OXR1: variants seen among roughly 807,000 people sequenced by gnomAD.
OXR1 encodes oxidation resistance 1.
OXR1 carries 41 observed loss-of-function variants against 104.6 expected under a neutral mutation model. The observed-to-expected ratio is 0.39, with a 90% CI of 0.31 to 0.51. OXR1 has a LOEUF of 0.51. Among genes scored for constraint, OXR1 ranks in the 20% least tolerant of loss-of-function variants. The pLI is 0.77. For synonymous variants in OXR1, 348 were observed against 348.4 expected (o/e 1.00, Z 0.01); for missense variants, 955 against 1,031.9 (o/e 0.93, Z 1.02).
At chr8:106,271,228 C>G (rs1335076537) in intron 1 of OXR1, among the ~76,000 whole-genome samples, 1 of 152,118 alleles carries the variant, frequency 6.6e-6, no homozygotes, top group Non-Finnish European at 1.5e-5. Context: ...GGTTCACTTT[C>G]ACCCCTGGCT....
At chr8:106,445,021 GTTC>G (rs1006087773) in intron 2 of OXR1, among the ~76,000 whole-genome samples, 1 of 152,036 alleles carries the variant, frequency 6.6e-6, no homozygotes, top group Non-Finnish European at 1.5e-5. Context: ...TTCAAGGAGA[GTTC>G]TTCTTCTAGT....
chr8:106,439,996 G>A (rs1462574192), intron 2 of OXR1, among the ~76,000 whole-genome samples: 1 of 152,032 alleles, frequency 6.6e-6, no homozygotes, highest in Admixed American at 6.6e-5. Context: ...GTTTTACTGT[G>A]GCTGATATTC....
At chr8:106,537,144 G>T (rs1273936508) in intron 3 of OXR1, among the ~76,000 whole-genome samples, 1 of 151,758 alleles carries the variant, frequency 6.6e-6, no homozygotes, top group East Asian at 2.0e-4. Flanking sequence ...CATTCATGAG[G>T]GCTTCACCCT....
At chr8:106,701,991 A>G (rs1318557701) in intron 7 of OXR1, among the ~76,000 whole-genome samples, 1 of 152,164 alleles carries the variant, frequency 6.6e-6, no homozygotes, top group African/African-American at 2.4e-5. Flanking sequence ...TTTTTTTGAG[A>G]TGGAGTCTCA....
At chr8:106,377,230 C>T (rs1212314706) in intron 2 of OXR1, among the ~76,000 whole-genome samples, 2 of 152,018 alleles carry the variant, frequency 1.3e-5, no homozygotes, top group Non-Finnish European at 2.9e-5. Flanking sequence ...CTCGCTCAGG[C>T]TAGAGTACAG....
intron 2 of OXR1, among the ~76,000 whole-genome samples, chr8:106,504,260 T>G (rs2129973789): frequency 6.6e-6 from 1 of 152,176 alleles, no homozygotes; most frequent in East Asian, 1.9e-4. Context: ...TGTTTTAATT[T>G]TACTACACTC....
chr8:106,416,818 C>G (rs1270980372), intron 2 of OXR1, among the ~76,000 whole-genome samples: 1 of 152,060 alleles, frequency 6.6e-6, no homozygotes, highest in Non-Finnish European at 1.5e-5. Flanking sequence ...GTCCAAGGCC[C>G]TTCTTATTTC....
At chr8:106,539,751 C>A (rs753204280) in intron 3 of OXR1, among the ~76,000 whole-genome samples, 42 of 152,216 alleles carry the variant, frequency 2.8e-4, no homozygotes, top group Non-Finnish European at 5.7e-4. Context: ...AGATAATACT[C>A]CTAGTTTTGA....
intron 2 of OXR1, among the ~76,000 whole-genome samples, chr8:106,438,995 G>C (rs113691037): frequency 0.012 from 1,762 of 152,196 alleles, 38 homozygotes; most frequent in African/African-American, 0.04. Flanking sequence ...AACCTTCCTG[G>C]AGCAAAATGA....
At chr8:106,304,894 C>T (rs1188736201) in intron 1 of OXR1, among the ~76,000 whole-genome samples, 1 of 152,046 alleles carries the variant, frequency 6.6e-6, no homozygotes, top group Admixed American at 6.5e-5. Context: ...TGTAACTCAC[C>T]ATAGTTATTA....
intron 16 of OXR1, among the ~76,000 whole-genome samples, 180 bp from the exon 17 acceptor site, chr8:106,750,626 G>A (rs1231010099): frequency 5.3e-5 from 8 of 152,002 alleles, no homozygotes; most frequent in South Asian, 2.1e-4. Flanking sequence ...CACCACACCC[G>A]GCCCATAAAT....
chr8:106,361,405 C>A (rs908779386), intron 2 of OXR1, among the ~76,000 whole-genome samples: 5 of 152,102 alleles, frequency 3.3e-5, no homozygotes, highest in African/African-American at 1.2e-4. Context: ...ATTAGATTTC[C>A]ATGCAGGGAG....
rs531276578 is a variant in OXR1, at chr8:106,434,032, G to A, written c.23+74396G>A. Among the ~76,000 whole-genome samples the A allele has an allele frequency of 5.3e-5, 8 of 152,200 alleles. No individual in the cohort carries two copies. In the South Asian group the frequency reaches 1.7e-3, roughly 32 times the overall value. ...CCATAAAAATCTAAAAGTCATTTTA[G>A]GAGGGGAAACATAATATCACATTTT... On this transcript the variant is annotated intron_variant, in intron 2 of 16. Coordinates refer to ENST00000517566, the MANE Select transcript of OXR1 (RefSeq NM_001198533.2).
chr8:106,735,842 A>G (rs1250902415), intron 11 of OXR1, among the ~76,000 whole-genome samples: 1 of 152,126 alleles, frequency 6.6e-6, no homozygotes, highest in Admixed American at 6.5e-5. Flanking sequence ...GAAATATAAA[A>G]ATTAAATTCA....
intron 1 of OXR1, among the ~76,000 whole-genome samples, chr8:106,281,078 C>T (rs934818505): frequency 9.2e-5 from 14 of 152,070 alleles, no homozygotes; most frequent in Non-Finnish European, 1.9e-4. Flanking sequence ...CCTTACACAA[C>T]TAGGGGAAGG....
chr8:106,481,424 T>C (rs184065058), intron 2 of OXR1, among the ~76,000 whole-genome samples: 1 of 152,180 alleles, frequency 6.6e-6, no homozygotes, highest in East Asian at 1.9e-4. Flanking sequence ...ATTGATTTTT[T>C]AAACATAAGA....
intron 1 of OXR1, among the ~76,000 whole-genome samples, chr8:106,340,411 C>A (rs949026675): frequency 6.6e-6 from 1 of 152,048 alleles, no homozygotes; most frequent in African/African-American, 2.4e-5. Flanking sequence ...CTTTTAAAAT[C>A]CATAAATACT....
intron 3 of OXR1, among the ~76,000 whole-genome samples, chr8:106,675,252 A>G (rs1827461279): frequency 6.6e-6 from 1 of 152,184 alleles, no homozygotes; most frequent in South Asian, 2.1e-4. Flanking sequence ...TAACAGAATA[A>G]TCAGACAAAA....
chr8:106,450,606 A>C (rs1320995545), intron 2 of OXR1, among the ~76,000 whole-genome samples: 1 of 152,152 alleles, frequency 6.6e-6, no homozygotes, highest in Non-Finnish European at 1.5e-5. Context: ...TGCACTGTAC[A>C]CAACAAACTG....
Sources: gnomAD v4.1 joint callset for allele counts (sites outside exome capture counted in the v4.1 genomes callset) on GRCh38, gnomAD v4.1.1 for gene constraint, MANE v1.5 for transcripts, NCBI Gene and HGNC (gene_info 2026-07-23, HGNC 2026-07-21) for gene names.